The following SLC6A5 variants were observed in gnomAD, a reference collection of about 807,000 sequenced individuals.
SLC6A5 encodes sodium- and chloride-dependent glycine transporter 2.
In SLC6A5, 58 loss-of-function variants were observed where a neutral mutation model predicts 90.5. The observed-to-expected ratio is 0.64, with a 90% CI of 0.52 to 0.80. SLC6A5 has a LOEUF of 0.80. SLC6A5 is among the 30% of genes least tolerant of loss of function. The pLI is 0.00. For synonymous variants in SLC6A5, 427 were observed against 401.4 expected (o/e 1.06, Z -0.76); for missense variants, 1,015 against 1,017.6 (o/e 1.00, Z 0.03).
intron 13 of SLC6A5, among the ~76,000 whole-genome samples, chr11:20,641,689 T>C (rs1443115160): frequency 6.6e-6 from 1 of 152,152 alleles, no homozygotes; most frequent in African/African-American, 2.4e-5. Flanking sequence ...TCAGTAAATT[T>C]TAGGAATGAG....
intron 1 of SLC6A5, 138 bp from the exon 2 acceptor site, chr11:20,600,991 T>TA (rs1189453225): frequency 1.7e-5 from 14 of 820,046 alleles, no homozygotes; most frequent in South Asian, 7.5e-5. Context: ...GCCTTTCTTT[T>TA]AAAAAAAGTT....
chr11:20,616,549 T>A (rs1337986837), intron 6 of SLC6A5, among the ~76,000 whole-genome samples: 4 of 152,176 alleles, frequency 2.6e-5, no homozygotes, highest in African/African-American at 4.8e-5. Flanking sequence ...GATGGCTAAG[T>A]CATGGAATTG....
At chr11:20,629,862 G>A (rs990774982) in intron 9 of SLC6A5, among the ~76,000 whole-genome samples, 1 of 151,772 alleles carries the variant, frequency 6.6e-6, no homozygotes, top group Non-Finnish European at 1.5e-5. Context: ...GCGGGCATGT[G>A]CCACCATGCC....
intron 5 of SLC6A5, among the ~76,000 whole-genome samples, chr11:20,611,743 GTTTA>G (rs1262816007): frequency 2.2e-5 from 3 of 138,946 alleles, no homozygotes; most frequent in East Asian, 2.2e-4. Flanking sequence ...TTACCCAGTG[GTTTA>G]TTTGTTTATT....
rs1456664511 is a variant in SLC6A5, at chr11:20,658,146, C to T, written c.*3278C>T. 2 of 152,128 alleles carry T rather than the reference C, an allele frequency of 1.3e-5. No homozygotes were observed. Among genetic ancestry groups the T allele is most frequent in the African/African-American group, 2.4e-5 (1 of 41,420 alleles). 9.4% of individuals were successfully genotyped at this position (152,128 alleles called of 1,614,324 possible). A position where few individuals can be genotyped will look rare whatever the true frequency, so the allele number is the denominator to read the frequency against. On this transcript the variant is annotated 3_prime_UTR_variant, in exon 16 of 16. Transcript: ENST00000525748. ...TAATGTTGCATTGGAGTTGAGTTTT[C>T]CTTTAATTAAGTTCTTGTTTCCTCA...
At chr11:20,628,895 T>A (rs1307207111) in intron 9 of SLC6A5, among the ~76,000 whole-genome samples, 2 of 152,182 alleles carry the variant, frequency 1.3e-5, no homozygotes, top group African/African-American at 2.4e-5. Flanking sequence ...TCCTCTTCAG[T>A]AAACTAAGGG....
rs1555047561 is a variant in SLC6A5 at position 20,654,876 on chromosome 11, G to C, written c.*8G>C. 1 of 1,613,974 alleles carries C rather than the reference G, an allele frequency of 6.2e-7. No individual in the cohort carries two copies. Among genetic ancestry groups the C allele is most frequent in the South Asian group, 1.1e-5 (1 of 91,088 alleles). On this transcript the variant is annotated 3_prime_UTR_variant, in exon 16 of 16. Coordinates refer to ENST00000525748, the MANE Select transcript of SLC6A5 (RefSeq NM_004211.5). ...CTGGGCACTCAGTGCTAGTCCAGTG[G>C]TGTGGGATGGTCCAGACTTGATCCT...
intron 5 of SLC6A5, among the ~76,000 whole-genome samples, chr11:20,608,950 CTCTCTCTCTGTGTGTGTGTGTG>C (rs1340523742): frequency 0.011 from 863 of 81,112 alleles, 8 homozygotes; most frequent in African/African-American, 0.037. Context: ...CTCTCTCTCT[CTCTCTCTCTGTGTGTGTGTGTG>C]TGTGTGTGTG....
At chr11:20,601,809 G>A in intron 2 of SLC6A5, 144 bp downstream of exon 2, 2 of 891,874 alleles carry the variant, frequency 2.2e-6, no homozygotes, top group Non-Finnish European at 3.5e-6. Context: ...CGGCTTTGGG[G>A]CTTCGGAAGC....
At chr11:20,600,850 T>C (rs1852456637) in intron 1 of SLC6A5, among the ~76,000 whole-genome samples, 1 of 152,164 alleles carries the variant, frequency 6.6e-6, no homozygotes, top group Non-Finnish European at 1.5e-5. Flanking sequence ...CTATTTCCAT[T>C]CCCCCTTTAC....
At chr11:20,647,627 C>G (rs976873478) in intron 14 of SLC6A5, among the ~76,000 whole-genome samples, 9 of 152,036 alleles carry the variant, frequency 5.9e-5, no homozygotes, top group Non-Finnish European at 1.3e-4. Flanking sequence ...CACAGTGCTT[C>G]CTATGTATAG....
chr11:20,652,217 G>T lies in SLC6A5; in HGVS notation c.2071-72G>T. 4 of 1,351,446 alleles carry T rather than the reference G, an allele frequency of 3.0e-6. No homozygotes were observed. In the Admixed American group the frequency reaches 6.7e-5, roughly 23 times the overall value. 83.7% of individuals were successfully genotyped at this position (1,351,446 alleles called of 1,614,324 possible). A position where few individuals can be genotyped will look rare whatever the true frequency, so the allele number is the denominator to read the frequency against. On this transcript the variant is annotated intron_variant, in intron 14 of 15. Coordinates refer to ENST00000525748, the MANE Select transcript of SLC6A5 (RefSeq NM_004211.5). Reference sequence around the variant, plus strand: ...ACGAAAGCATCAAACTCATAACGGGGGTTTAATAGTGTTGAGTGCTTGAAT... The same window carrying T: ...ACGAAAGCATCAAACTCATAACGGGTGTTTAATAGTGTTGAGTGCTTGAAT...
At chr11:20,610,083 A>G (rs760445480) in intron 5 of SLC6A5, among the ~76,000 whole-genome samples, 1 of 152,218 alleles carries the variant, frequency 6.6e-6, no homozygotes, top group Non-Finnish European at 1.5e-5. Context: ...CTTTTAATTA[A>G]ATGATTCCTT....
chr11:20,625,836 T>A (rs1373253623), intron 7 of SLC6A5, among the ~76,000 whole-genome samples: 1 of 152,234 alleles, frequency 6.6e-6, no homozygotes, highest in Non-Finnish European at 1.5e-5. Flanking sequence ...CATGAACGTC[T>A]TAGTAGACGC....
intron 6 of SLC6A5, among the ~76,000 whole-genome samples, chr11:20,616,996 A>T (rs1272034031): frequency 6.6e-6 from 1 of 152,206 alleles, no homozygotes; most frequent in East Asian, 1.9e-4. Context: ...GAGTAGAAAG[A>T]ATTGTCTGAG....
intron 7 of SLC6A5, among the ~76,000 whole-genome samples, chr11:20,626,455 A>G (rs1852996319): frequency 6.6e-6 from 1 of 151,814 alleles, no homozygotes; most frequent in Non-Finnish European, 1.5e-5. Flanking sequence ...CATCTCCCCC[A>G]GCCTTCTGGC....
rs76565288 is a variant in SLC6A5, at chr11:20,637,095, G to A, written c.1738-77G>A. The A allele has an allele frequency of 1.1e-3, 1,594 of 1,424,710 alleles. 18 individuals are homozygous for A. The African/African-American group carries it at 0.019, about 17-fold the overall frequency. 88.3% of individuals were successfully genotyped at this position (1,424,710 alleles called of 1,614,324 possible). On this transcript the variant is annotated intron_variant, in intron 11 of 15. Transcript: ENST00000525748. ...AACACAAATACAACTTTCCTGGATGGGACATACAAAGGGCTTGGGGGTACC... is the reference window on the plus strand; with the variant it reads ...AACACAAATACAACTTTCCTGGATGAGACATACAAAGGGCTTGGGGGTACC...
intron 5 of SLC6A5, among the ~76,000 whole-genome samples, chr11:20,610,278 C>T (rs1852669150): frequency 6.6e-6 from 1 of 151,682 alleles, no homozygotes; most frequent in African/African-American, 2.4e-5. Flanking sequence ...GCTCCGGGCG[C>T]TGGGAAGCAT....
intron 6 of SLC6A5, among the ~76,000 whole-genome samples, chr11:20,616,662 G>T (rs1207771829): frequency 6.6e-6 from 1 of 152,206 alleles, no homozygotes; most frequent in African/African-American, 2.4e-5. Flanking sequence ...ACCAAGTTTA[G>T]TTCCAGCCTT....
Sources: allele counts gnomAD v4.1 joint callset (sites outside exome capture counted in the v4.1 genomes callset), GRCh38; gene constraint gnomAD v4.1.1; transcripts MANE v1.5; gene names NCBI Gene and HGNC (gene_info 2026-07-23, HGNC 2026-07-21).